TSHZ2: variants seen among roughly 807,000 people sequenced by gnomAD.
The protein encoded by TSHZ2 is teashirt zinc finger homeobox 2.
Under a neutral mutation model 74.4 loss-of-function variants are expected in TSHZ2, and 21 were observed. That is an observed-to-expected ratio of 0.28 (90% CI 0.20 to 0.41). TSHZ2 has a LOEUF of 0.41. Among genes scored for constraint, TSHZ2 ranks in the 10% least tolerant of loss-of-function variants. TSHZ2 has a pLI of 1.00. For synonymous variants in TSHZ2, 540 were observed against 515.3 expected (o/e 1.05, Z -0.65); for missense variants, 1,244 against 1,293.5 (o/e 0.96, Z 0.59).
intron 2 of TSHZ2, among the ~76,000 whole-genome samples, chr20:53,315,970 A>G (rs549076938): frequency 6.6e-6 from 1 of 152,162 alleles, no homozygotes; most frequent in Non-Finnish European, 1.5e-5. Context: ...CGAGGAGGAC[A>G]TTCCAAGCAG....
intron 2 of TSHZ2, among the ~76,000 whole-genome samples, chr20:53,415,782 ATG>A (rs1019654623): frequency 2.9e-5 from 1 of 34,272 alleles, no homozygotes. Flanking sequence ...CTATAAATGT[ATG>A]TGTGTGTGTA....
intron 2 of TSHZ2, among the ~76,000 whole-genome samples, chr20:53,302,331 A>T (rs1978343566): frequency 6.6e-6 from 1 of 152,182 alleles, no homozygotes. Context: ...AAGCCATGAA[A>T]TTCTCTATGA....
intron 2 of TSHZ2, among the ~76,000 whole-genome samples, chr20:53,372,595 C>T (rs1006946837): frequency 6.6e-6 from 1 of 152,150 alleles, no homozygotes; most frequent in East Asian, 1.9e-4. Context: ...AGGTCTCTTC[C>T]ATCTGCCTGT....
intron 2 of TSHZ2, among the ~76,000 whole-genome samples, chr20:53,363,464 C>G (rs1981142055): frequency 6.6e-6 from 1 of 152,214 alleles, no homozygotes; most frequent in African/African-American, 2.4e-5. Flanking sequence ...TGGATTACCC[C>G]TTTCCATGTG....
chr20:53,246,457 C>T (rs996662664), intron 1 of TSHZ2, among the ~76,000 whole-genome samples: 10 of 152,164 alleles, frequency 6.6e-5, no homozygotes, highest in Admixed American at 1.3e-4. Flanking sequence ...CAACTGAGAA[C>T]GGATTTTCCT....
intron 1 of TSHZ2, among the ~76,000 whole-genome samples, chr20:53,034,069 C>T (rs999575093): frequency 5.3e-5 from 8 of 152,114 alleles, no homozygotes; most frequent in Non-Finnish European, 1.0e-4. Context: ...AAATACTTCT[C>T]GAATGAATCA....
rs549103171 is a variant in TSHZ2, at chr20:53,430,696, T to C, written c.*9-56448T>C. On this transcript the variant is annotated intron_variant, in intron 2 of 2. Coordinates refer to ENST00000371497, the MANE Select transcript of TSHZ2 (RefSeq NM_173485.6). ...AGGAAAAAGAAAAAATAATAAAAGA[T>C]TTTTTAAATAAAGCGAGAAATTTAG... Among the ~76,000 whole-genome samples the C allele has an allele frequency of 2.0e-5, 3 of 152,214 alleles. No individual in the cohort carries two copies. In the South Asian group the frequency reaches 6.2e-4, roughly 32 times the overall value.
At chr20:53,172,328 A>C (rs1218045746) in intron 1 of TSHZ2, among the ~76,000 whole-genome samples, 1 of 152,186 alleles carries the variant, frequency 6.6e-6, no homozygotes, top group African/African-American at 2.4e-5. Flanking sequence ...TTTCCTCTTC[A>C]ATTGGCCAAA....
At chr20:53,168,589 T>A (rs1258634225) in intron 1 of TSHZ2, 1 of 152,226 alleles carries the variant, frequency 6.6e-6, no homozygotes, top group Non-Finnish European at 1.5e-5. Flanking sequence ...CTTGTCTGTC[T>A]CCTTGTATTA....
At chr20:53,121,060 T>G (rs945146669) in intron 1 of TSHZ2, among the ~76,000 whole-genome samples, 5 of 152,166 alleles carry the variant, frequency 3.3e-5, no homozygotes, top group African/African-American at 4.8e-5. Flanking sequence ...AGTGATAGAC[T>G]TTTTTTCCCA....
intron 2 of TSHZ2, among the ~76,000 whole-genome samples, chr20:53,300,236 A>G (rs1326900893): frequency 6.6e-6 from 1 of 152,234 alleles, no homozygotes; most frequent in South Asian, 2.1e-4. Flanking sequence ...AGGGAAAAAA[A>G]ACTGCAGCAA....
At chr20:53,010,256 A>C (rs975521878) in intron 1 of TSHZ2, among the ~76,000 whole-genome samples, 2 of 152,170 alleles carry the variant, frequency 1.3e-5, no homozygotes, top group African/African-American at 4.8e-5. Context: ...ACATCCCTCT[A>C]TTCCACCCAC....
At chr20:53,325,947 A>G (rs1166549372) in intron 2 of TSHZ2, among the ~76,000 whole-genome samples, 1 of 151,868 alleles carries the variant, frequency 6.6e-6, no homozygotes, top group African/African-American at 2.4e-5. Flanking sequence ...ACGCCCAGCT[A>G]ATTTTTTGTA....
chr20:53,412,362 C>A (rs1007078381), intron 2 of TSHZ2, among the ~76,000 whole-genome samples: 6 of 152,244 alleles, frequency 3.9e-5, no homozygotes, highest in Non-Finnish European at 8.8e-5. Flanking sequence ...AGCCTGTGTG[C>A]TCCAGGAGAA....
chr20:53,358,329 CT>C (rs57906027), intron 2 of TSHZ2, among the ~76,000 whole-genome samples: 906 of 66,978 alleles, frequency 0.014, 19 homozygotes, highest in African/African-American at 0.041. Context: ...TTCTGTGGTT[CT>C]TTTTTTTTTT....
intron 2 of TSHZ2, among the ~76,000 whole-genome samples, chr20:53,283,418 C>G (rs1600788196): frequency 1.3e-5 from 2 of 152,156 alleles, no homozygotes; most frequent in South Asian, 2.1e-4. Flanking sequence ...AGGTCCCTGT[C>G]ATCACCCCTA....
At chr20:53,334,936 C>A (rs1037786522) in intron 2 of TSHZ2, among the ~76,000 whole-genome samples, 1 of 152,170 alleles carries the variant, frequency 6.6e-6, no homozygotes, top group African/African-American at 2.4e-5. Context: ...CCAGCCTCGG[C>A]CTCTCAAAGG....
Position 53,195,107 on chromosome 20 carries a change from G to C in TSHZ2, c.41-58392G>C, listed in dbSNP as rs76898381. On this transcript the variant is annotated intron_variant, in intron 1 of 2. Transcript: ENST00000371497. ...GAGGAGCAGGACTTTTGCAGGGCCAGATCTCCCCTTCTGGCTGATTCCAGT... is the reference window on the plus strand; with the variant it reads ...GAGGAGCAGGACTTTTGCAGGGCCACATCTCCCCTTCTGGCTGATTCCAGT... Among the ~76,000 whole-genome samples, 443 of 152,276 alleles carry C rather than the reference G, an allele frequency of 2.9e-3. 1 individual carries two copies. The highest frequency in any genetic ancestry group is 9.9e-3 in the African/African-American group (412 of 41,536).
chr20:53,290,112 T>C (rs1991252166), intron 2 of TSHZ2, among the ~76,000 whole-genome samples: 1 of 152,152 alleles, frequency 6.6e-6, no homozygotes, highest in Admixed American at 6.5e-5. Context: ...AAATTGTCAA[T>C]GGCGTTCCAC....
Sources: allele counts gnomAD v4.1 joint callset (sites outside exome capture counted in the v4.1 genomes callset), GRCh38; gene constraint gnomAD v4.1.1; transcripts MANE v1.5; gene names NCBI Gene and HGNC (gene_info 2026-07-23, HGNC 2026-07-21).